The following NMBR variants were observed in gnomAD, a reference collection of about 807,000 sequenced individuals.
NMBR encodes neuromedin-B receptor.
Under a neutral mutation model 20.5 loss-of-function variants are expected in NMBR, and 16 were observed. The ratio of observed to expected loss-of-function variants is 0.78; its 90% CI spans 0.53 to 1.19. NMBR has a LOEUF of 1.19. NMBR is among the 50% of genes most tolerant of loss of function. NMBR has a pLI of 0.00. For synonymous variants in NMBR, 212 were observed against 196.6 expected (o/e 1.08, Z -0.65); for missense variants, 582 against 499.1 (o/e 1.17, Z -1.58).
intron 1 of NMBR, among the ~76,000 whole-genome samples, chr6:142,094,312 T>G (rs1582843795): frequency 6.6e-6 from 1 of 152,226 alleles, no homozygotes; most frequent in East Asian, 1.9e-4. Context: ...TAATCCATCT[T>G]GAATTAATTT....
intron 1 of NMBR, among the ~76,000 whole-genome samples, chr6:142,129,577 C>CAGAG (rs151126726): frequency 6.7e-5 from 10 of 149,532 alleles, no homozygotes; most frequent in Admixed American, 6.7e-4. Context: ...CAAGTAGAGA[C>CAGAG]AGAGAGAGAG....
At chr6:142,091,735 T>G (rs991281568) in intron 1 of NMBR, among the ~76,000 whole-genome samples, 18 of 152,202 alleles carry the variant, frequency 1.2e-4, no homozygotes, top group African/African-American at 4.3e-4. Flanking sequence ...TTATGTCTCT[T>G]TGTTTCTGGA....
At chr6:142,114,017 A>G (rs1562242394) in intron 1 of NMBR, among the ~76,000 whole-genome samples, 1 of 152,026 alleles carries the variant, frequency 6.6e-6, no homozygotes, top group Admixed American at 6.6e-5. Context: ...CCATCCCCCA[A>G]TCCCCCAGGG....
chr6:142,092,024 T>C (rs1197726854), intron 1 of NMBR, among the ~76,000 whole-genome samples: 2 of 152,096 alleles, frequency 1.3e-5, no homozygotes. Flanking sequence ...ACTATACTTA[T>C]GGAGACATTT....
intron 2 of NMBR, among the ~76,000 whole-genome samples, chr6:142,087,973 G>T (rs1257654185): frequency 6.6e-6 from 1 of 152,000 alleles, no homozygotes; most frequent in Non-Finnish European, 1.5e-5. Flanking sequence ...GTCGGAGGTG[G>T]GACTAGGAGA....
chr6:142,141,159 A>G (rs1033324552), intron 1 of NMBR, among the ~76,000 whole-genome samples: 1 of 152,190 alleles, frequency 6.6e-6, no homozygotes, highest in Non-Finnish European at 1.5e-5. Flanking sequence ...ACATTCACCA[A>G]AAGAGATCAT....
chr6:142,134,741 A>C lies in NMBR; in HGVS notation c.-664+12303T>G, dbSNP rs13192882. The C allele has an allele frequency of 4.3e-3, 2,957 of 691,642 alleles. 13 individuals carry two copies. Among genetic ancestry groups the C allele is most frequent in the Non-Finnish European group, 6.2e-3 (2,372 of 381,590 alleles). The allele number at this position is 691,642 out of a possible 1,614,324, so 42.8% of individuals were successfully genotyped here. ...TTTGGTTTCCAAGTAAAATCTCTTT[A>C]CCTGTGTGATGCTAGATCTCTTGGG... On this transcript the variant is annotated intron_variant, in intron 1 of 3. Coordinates refer to ENST00000258042, the MANE Select transcript of NMBR (RefSeq NM_002511.4).
At chr6:142,112,179 CT>C (rs1289201586) in intron 1 of NMBR, among the ~76,000 whole-genome samples, 1 of 152,120 alleles carries the variant, frequency 6.6e-6, no homozygotes, top group Non-Finnish European at 1.5e-5. Flanking sequence ...AGTTGGAACA[CT>C]TGGCCTGAAT....
chr6:142,099,226 A>G (rs1017465324), intron 1 of NMBR, among the ~76,000 whole-genome samples: 4 of 152,194 alleles, frequency 2.6e-5, no homozygotes, highest in African/African-American at 9.6e-5. Context: ...CACATAGAAG[A>G]AAATCTAGAT....
chr6:142,084,373 T>C (rs767210907), intron 2 of NMBR, among the ~76,000 whole-genome samples: 125 of 152,364 alleles, frequency 8.2e-4, no homozygotes, highest in Non-Finnish European at 1.4e-3. Flanking sequence ...TAACTATTAA[T>C]GCATTAGAAA....
In NMBR at chr6:142,078,644, T is replaced by C. The variant is rs1448846484; in HGVS notation, c.682A>G (p.Ile228Val). 6.2e-7 allele frequency: 1 copy of C among 1,613,178 alleles called. No homozygotes were observed. Among genetic ancestry groups the C allele is most frequent in the Admixed American group, 1.7e-5 (1 of 60,024 alleles). The change falls in exon 3 of 4, where the codon ATT (isoleucine) becomes GTT (valine). Residue 228 changes from isoleucine to valine, a missense_variant. Coordinates refer to ENST00000258042, the MANE Select transcript of NMBR (RefSeq NM_002511.4). Reference sequence around the variant, plus strand: ...GCAATATGATAATAATAAATGCTAATAATAGCAAGTGGTATGAGGAAATAG... The same window carrying C: ...GCAATATGATAATAATAAATGCTAACAATAGCAAGTGGTATGAGGAAATAG... ...LVYFLIPLAI[I>V]SIYYYHIAKT...
chr6:142,079,072 G>C (rs1319491347), intron 2 of NMBR, among the ~76,000 whole-genome samples, 169 bp from the exon 3 acceptor site: 1 of 127,316 alleles, frequency 7.9e-6, no homozygotes, highest in Admixed American at 8.5e-5. Flanking sequence ...GAGAGAGAAA[G>C]AGAGAAAGAA....
chr6:142,099,761 T>C (rs1777526141), intron 1 of NMBR, among the ~76,000 whole-genome samples: 1 of 152,086 alleles, frequency 6.6e-6, no homozygotes, highest in Admixed American at 6.6e-5. Context: ...GTCAAGACAA[T>C]AAGCAGGCTA....
rs193274918 is a variant in NMBR, at chr6:142,105,306, C to T, written c.-663-15985G>A. On this transcript the variant is annotated intron_variant, in intron 1 of 3. Coordinates refer to ENST00000258042, the MANE Select transcript of NMBR (RefSeq NM_002511.4). ...TGGATGTATACGTGCAGGTCACAGG[C>T]GATATGATGGCTTAGCTTGGGCTCA... is the stretch of plus-strand genomic sequence containing the variant. Among the ~76,000 whole-genome samples, 591 of 152,012 alleles carry T rather than the reference C, an allele frequency of 3.9e-3. 2 individuals carry two copies. Among genetic ancestry groups the T allele is most frequent in the Admixed American group, 5.9e-3 (90 of 15,252 alleles).
At chr6:142,092,468 T>C (rs1340644329) in intron 1 of NMBR, among the ~76,000 whole-genome samples, 1 of 152,068 alleles carries the variant, frequency 6.6e-6, no homozygotes, top group Non-Finnish European at 1.5e-5. Context: ...AAGAAAATAT[T>C]AAAGAATATA....
In NMBR at chr6:142,075,780, T is replaced by G. The variant is rs759426469; in HGVS notation, c.1041A>C (p.Gln347His). The G allele has an allele frequency of 6.2e-7, 1 of 1,614,084 alleles. No homozygotes were observed. Among genetic ancestry groups the G allele is most frequent in the South Asian group, 1.1e-5 (1 of 91,080 alleles). Residue 347 changes from glutamine (Q) to histidine (H), a missense_variant, in exon 4 of 4, where the codon CAA becomes CAC. Physicochemically the swap from Gln to His is conservative, Grantham distance 24 (BLOSUM62 0). Coordinates refer to ENST00000258042, the MANE Select transcript of NMBR (RefSeq NM_002511.4). ...SQLCCGRKSY[Q>H]ERGTSYLLSS... ...TGAGTAGGTAGCTGGTTCCTCTCTC[T>G]TGATAGGACTTCCTCCCACAGCAGA...
At chr6:142,080,883 G>A (rs376883084) in intron 2 of NMBR, among the ~76,000 whole-genome samples, 33 of 152,188 alleles carry the variant, frequency 2.2e-4, no homozygotes, top group African/African-American at 7.7e-4. Flanking sequence ...TTTCCTCCAC[G>A]TATTTAAAAA....
At chr6:142,136,736 C>G (rs2114611867) in intron 1 of NMBR, among the ~76,000 whole-genome samples, 1 of 152,292 alleles carries the variant, frequency 6.6e-6, no homozygotes, top group Admixed American at 6.5e-5. Flanking sequence ...TTCCCAGCAC[C>G]ATTTATTAAA....
chr6:142,081,141 G>A (rs892776093), intron 2 of NMBR, among the ~76,000 whole-genome samples: 1 of 152,074 alleles, frequency 6.6e-6, no homozygotes, highest in African/African-American at 2.4e-5. Flanking sequence ...ATGGTGGAAG[G>A]GTCAAGGGTC....
Sources: gnomAD v4.1 joint callset for allele counts (sites outside exome capture counted in the v4.1 genomes callset) on GRCh38, gnomAD v4.1.1 for gene constraint, MANE v1.5 for transcripts, NCBI Gene and HGNC (gene_info 2026-07-23, HGNC 2026-07-21) for gene names.